Variants in CADPS2 observed in about 807,000 individuals in gnomAD.
CADPS2 encodes the protein calcium-dependent secretion activator 2.
A neutral mutation model predicts 172.5 loss-of-function variants in CADPS2; 93 were observed. That is an observed-to-expected ratio of 0.54 (90% CI 0.46 to 0.64). CADPS2 has a LOEUF of 0.64. Among genes scored for constraint, CADPS2 ranks in the 30% least tolerant of loss-of-function variants. The pLI, the probability that CADPS2 is intolerant of heterozygous loss-of-function variation, is 0.00. For synonymous variants in CADPS2, 546 were observed against 555.2 expected (o/e 0.98, Z 0.23); for missense variants, 1,420 against 1,565.9 (o/e 0.91, Z 1.57).
intron 6 of CADPS2, among the ~76,000 whole-genome samples, chr7:122,582,550 T>C (rs916212785): frequency 2.0e-5 from 3 of 152,090 alleles, no homozygotes; most frequent in African/African-American, 7.2e-5. Flanking sequence ...CAATTTCATA[T>C]AATTAAGATG....
At chr7:122,629,599 T>C (rs1164544701) in intron 3 of CADPS2, among the ~76,000 whole-genome samples, 2 of 152,160 alleles carry the variant, frequency 1.3e-5, no homozygotes, top group Admixed American at 6.6e-5. Flanking sequence ...AAGTCAGTCC[T>C]AAATAGTTCC....
chr7:122,773,568 T>C (rs947965355), intron 1 of CADPS2, among the ~76,000 whole-genome samples: 1 of 151,988 alleles, frequency 6.6e-6, no homozygotes, highest in Non-Finnish European at 1.5e-5. Flanking sequence ...AGAAGGAATA[T>C]AACCCAGACC....
At chr7:122,860,974 A>C (rs1250615609) in intron 1 of CADPS2, among the ~76,000 whole-genome samples, 1 of 152,192 alleles carries the variant, frequency 6.6e-6, no homozygotes, top group Non-Finnish European at 1.5e-5. Context: ...ATGAGTATAT[A>C]TACCATATTT....
At chr7:122,407,414 C>T (rs1202126516) in intron 20 of CADPS2, 126 bp downstream of exon 20, 1 of 1,033,394 alleles carries the variant, frequency 9.7e-7, no homozygotes, top group Admixed American at 2.7e-5. Context: ...GCAGGCTGAG[C>T]AAACCTAAAT....
At chr7:122,569,136 C>T (rs1010287838) in intron 7 of CADPS2, among the ~76,000 whole-genome samples, 7 of 152,118 alleles carry the variant, frequency 4.6e-5, no homozygotes, top group African/African-American at 1.2e-4. Context: ...AAAACCCCAT[C>T]ATCTCAGCCC....
At chr7:122,492,694 AT>A (rs549869047) in intron 9 of CADPS2, among the ~76,000 whole-genome samples, 1 of 151,568 alleles carries the variant, frequency 6.6e-6, no homozygotes. Context: ...TGGTTAGTGT[AT>A]TTTTTTTCTT....
At chr7:122,781,398 TTC>T (rs1365114993) in intron 1 of CADPS2, among the ~76,000 whole-genome samples, 1 of 152,194 alleles carries the variant, frequency 6.6e-6, no homozygotes, top group Non-Finnish European at 1.5e-5. Context: ...CTCAAATATT[TTC>T]TCTTTCACAG....
At chr7:122,349,928 A>G (rs547492479) in intron 27 of CADPS2, among the ~76,000 whole-genome samples, 1 of 152,292 alleles carries the variant, frequency 6.6e-6, no homozygotes, top group South Asian at 2.1e-4. Context: ...TTAACCTTCC[A>G]CTGAAGGTTA....
intron 7 of CADPS2, among the ~76,000 whole-genome samples, chr7:122,567,277 G>A (rs6962798): frequency 0.15 from 22,336 of 151,832 alleles, 2,046 homozygotes; most frequent in African/African-American, 0.25. Context: ...AGTTTGCAGC[G>A]AACTCAATCC....
intron 2 of CADPS2, among the ~76,000 whole-genome samples, chr7:122,719,981 T>C (rs1343185643): frequency 6.6e-6 from 1 of 152,078 alleles, no homozygotes; most frequent in Non-Finnish European, 1.5e-5. Context: ...AAAGAGTTAT[T>C]GGAATGGAAA....
intron 9 of CADPS2, among the ~76,000 whole-genome samples, chr7:122,511,918 G>C (rs1015883906): frequency 6.6e-6 from 1 of 152,098 alleles, no homozygotes; most frequent in African/African-American, 2.4e-5. Context: ...GTAGAAGATG[G>C]CTTAAGGTTT....
At chr7:122,477,341 C>T (rs903638991) in intron 12 of CADPS2, among the ~76,000 whole-genome samples, 1 of 151,676 alleles carries the variant, frequency 6.6e-6, no homozygotes, top group Non-Finnish European at 1.5e-5. Flanking sequence ...GGTGAAATCC[C>T]GTCTCTTACT....
chr7:122,773,870 T>C (rs2093781980), intron 1 of CADPS2, among the ~76,000 whole-genome samples: 1 of 152,124 alleles, frequency 6.6e-6, no homozygotes, highest in South Asian at 2.1e-4. Flanking sequence ...CTCTTACTAG[T>C]TTTGTTCCCT....
At chr7:122,868,489 C>G (rs909447499) in intron 1 of CADPS2, among the ~76,000 whole-genome samples, 1 of 152,166 alleles carries the variant, frequency 6.6e-6, no homozygotes. Context: ...AATATCATGA[C>G]TTGACACTCT....
intron 3 of CADPS2, among the ~76,000 whole-genome samples, chr7:122,634,037 T>C (rs1281033496): frequency 6.6e-6 from 1 of 152,168 alleles, no homozygotes; most frequent in Admixed American, 6.6e-5. Flanking sequence ...GAATACTGCT[T>C]GATTGCTGTG....
At chr7:122,329,136 C>T (rs905725060) in intron 28 of CADPS2, among the ~76,000 whole-genome samples, 8 of 152,302 alleles carry the variant, frequency 5.3e-5, no homozygotes, top group African/African-American at 1.7e-4. Context: ...GGGCTATAAA[C>T]GCTTGCAGTT....
Position 122,428,468 on chromosome 7 carries a change from TA to T in CADPS2, c.2476+9872del, listed in dbSNP as rs1231810748. ...ATATACACACATATATATATATATA[TA>T]TATTTTTTTTTTTTTGAGACGGAGT... On this transcript the variant is annotated intron_variant, in intron 17 of 29. Coordinates refer to ENST00000449022, the MANE Select transcript of CADPS2 (RefSeq NM_017954.11). Among the ~76,000 whole-genome samples, 168 of 130,236 alleles carry T rather than the reference TA, an allele frequency of 1.3e-3. 2 individuals carry two copies. The highest frequency in any genetic ancestry group is 1.2e-3 in the Admixed American group (15 of 12,324). 85.4% of individuals were successfully genotyped at this position (130,236 alleles called of 152,430 possible).
chr7:122,381,477 T>A (rs1352835842), intron 24 of CADPS2, among the ~76,000 whole-genome samples: 1 of 152,134 alleles, frequency 6.6e-6, no homozygotes, highest in Non-Finnish European at 1.5e-5. Context: ...TAACTTCCAT[T>A]TTTTGAATTC....
At chr7:122,846,382 TTTTATGAG>T (rs1811995009) in intron 1 of CADPS2, among the ~76,000 whole-genome samples, 1 of 152,198 alleles carries the variant, frequency 6.6e-6, no homozygotes, top group Non-Finnish European at 1.5e-5. Context: ...TTTTGCAAGT[TTTTATGAG>T]TGTGCTTTGT....
Sources: allele counts gnomAD v4.1 joint callset (sites outside exome capture counted in the v4.1 genomes callset), GRCh38; gene constraint gnomAD v4.1.1; transcripts MANE v1.5; gene names NCBI Gene and HGNC (gene_info 2026-07-23, HGNC 2026-07-21).